The following FADS2 variants were observed in gnomAD, a reference collection of about 807,000 sequenced individuals.
The protein encoded by FADS2 is acyl-CoA 6-desaturase.
FADS2 carries 18 observed loss-of-function variants against 61.2 expected under a neutral mutation model. That is an observed-to-expected ratio of 0.29 (90% CI 0.20 to 0.44). FADS2 has a LOEUF of 0.44. FADS2 is among the 20% of genes least tolerant of loss of function. FADS2 has a pLI of 1.00. For synonymous variants in FADS2, 203 were observed against 223.9 expected, an observed-to-expected ratio of 0.91 and a Z score of 0.83; for missense variants, 322 against 572.7, an observed-to-expected ratio of 0.56 and a Z score of 4.47.
At position 61,865,037 on chromosome 11, in the gene FADS2, G is replaced by T; in HGVS notation, c.1158-115G>T. 1.6e-6 allele frequency: 2 copies of T among 1,266,932 alleles called. No homozygotes were observed. Among genetic ancestry groups the T allele is most frequent in the Non-Finnish European group, 2.2e-6 (2 of 908,858 alleles). The allele number at this position is 1,266,932 out of a possible 1,614,324, so 78.5% of individuals were successfully genotyped here. The stretch of plus-strand genomic sequence containing the variant: ...GAGCCACACTTTGAGACTGGTCCTG[G>T]CTGTGGACAGGGTCTCTGAGGGCCC... On this transcript the variant is annotated intron_variant, in intron 10 of 11. Coordinates refer to ENST00000278840, the MANE Select transcript of FADS2 (RefSeq NM_004265.4). The surrounding 1 kb of genome is among the most constrained non-coding windows in gnomAD (Gnocchi z 4.1).
At chr11:61,849,027 C>T (rs762979193) in intron 5 of FADS2, among the ~76,000 whole-genome samples, 9 of 152,124 alleles carry the variant, frequency 5.9e-5, no homozygotes, top group Non-Finnish European at 8.8e-5. Context: ...CCGCCTCCCA[C>T]GTAGCTGGGA....
rs946976607 is a variant in FADS2, at chr11:61,866,296, C to A, written c.*607C>A. On this transcript the variant is annotated 3_prime_UTR_variant, in exon 12 of 12. Transcript: ENST00000278840. ...CTCTTAAGATGTCCAGGGCCCCAGG[C>A]CCGCGGGCACAGCCAGCCCAAACCT... The A allele has an allele frequency of 6.8e-5, 20 of 293,778 alleles. No homozygotes were observed. Among genetic ancestry groups the A allele is most frequent in the Admixed American group, 2.1e-4 (4 of 19,296 alleles). 18.2% of individuals were successfully genotyped at this position (293,778 alleles called of 1,614,324 possible).
At chr11:61,826,509 T>C (rs2067087710), upstream of FADS2, 1 of 608,570 alleles carries the variant, frequency 1.6e-6, no homozygotes, top group African/African-American at 1.8e-5. Context: ...ATATGGTATG[T>C]TAATCCATTT....
chr11:61,828,197 A>T (rs950726376), upstream of FADS2: 18 of 1,417,418 alleles, frequency 1.3e-5, no homozygotes, highest in Non-Finnish European at 1.7e-5. This position sits in a 1 kb window ranked among gnomAD's most constrained non-coding sequence, Gnocchi z 6.4. Flanking sequence ...ATCCTCCGCC[A>T]GGAAGGCAGG....
chr11:61,840,506 C>T lies in FADS2; in HGVS notation c.491C>T (p.Thr164Met), dbSNP rs769806290. 4.3e-6 allele frequency: 7 copies of T among 1,614,208 alleles called. No homozygotes were observed. Among genetic ancestry groups the T allele is most frequent in the South Asian group, 1.1e-5 (1 of 91,080 alleles). Residue 164 changes from threonine (T) to methionine (M), a missense_variant, in exon 3 of 12, where the codon ACG (threonine) becomes ATG (methionine). Thr to Met is a moderately conservative substitution (Grantham distance 81, BLOSUM62 -1). Transcript: ENST00000278840. ...FGNGWIPTLI[T>M]AFVLATSQAQ... ...AATGGCTGGATTCCTACCCTCATCA[C>T]GGCCTTTGTCCTTGCTACCTCTCAG...
At chr11:61,852,894 T>C (rs1432942762) in intron 5 of FADS2, among the ~76,000 whole-genome samples, 2 of 151,980 alleles carry the variant, frequency 1.3e-5, no homozygotes, top group Non-Finnish European at 2.9e-5. Context: ...GTGGCTCACA[T>C]CTGTAATCCC....
In FADS2 at chr11:61,840,428, C is replaced by G. The variant is rs1158475653; in HGVS notation, c.413C>G (p.Ala138Gly). ...TNHVFFLLLLAHIIALESIAW... is the reference protein window; with the variant it reads ...TNHVFFLLLLGHIIALESIAW... Reference sequence around the variant, plus strand: ...CACGTGTTCTTCCTCCTCCTCCTGGCCCACATCATCGCCCTGGAGAGCATT... The same window carrying G: ...CACGTGTTCTTCCTCCTCCTCCTGGGCCACATCATCGCCCTGGAGAGCATT... Residue 138 changes from alanine (A) to glycine (G), a missense_variant, in exon 3 of 12, where the codon GCC (alanine) becomes GGC (glycine). Ala to Gly is a moderately conservative substitution (Grantham distance 60). Around this residue, in one of 3 missense-constraint regions of FADS2, gnomAD observed 221 missense variants for 427.9 expected, o/e 0.52. Coordinates refer to ENST00000278840, the MANE Select transcript of FADS2 (RefSeq NM_004265.4). 1.2e-6 allele frequency: 2 copies of G among 1,614,108 alleles called. No homozygotes were observed. Among genetic ancestry groups the G allele is most frequent in the Non-Finnish European group, 1.7e-6 (2 of 1,179,940 alleles).
intron 4 of FADS2, among the ~76,000 whole-genome samples, chr11:61,844,215 CA>C (rs2135964275): frequency 6.6e-6 from 1 of 151,956 alleles, no homozygotes; most frequent in South Asian, 2.1e-4. Flanking sequence ...TTATTTATAC[CA>C]AAACAGAACT....
At chr11:61,862,914 A>T in intron 7 of FADS2, 58 bp from the exon 8 acceptor site, 1 of 1,399,256 alleles carries the variant, frequency 7.1e-7, no homozygotes, top group Non-Finnish European at 1.0e-6. Context: ...TGGGGCACGC[A>T]CTTGGTGCCA....
At chr11:61,818,442 T>C (rs2135945480) in intron 1 of FADS2, among the ~76,000 whole-genome samples, 1 of 152,256 alleles carries the variant, frequency 6.6e-6, no homozygotes, top group East Asian at 1.9e-4. Context: ...TACAAAACAT[T>C]TTCTATTCTT....
At chr11:61,849,345 A>G (rs963308106) in intron 5 of FADS2, among the ~76,000 whole-genome samples, 1 of 152,204 alleles carries the variant, frequency 6.6e-6, no homozygotes, top group Non-Finnish European at 1.5e-5. Flanking sequence ...ATAAACTTCT[A>G]AACAGTACAG....
chr11:61,840,457 T>A lies in FADS2; in HGVS notation c.442T>A (p.Trp148Arg). 6.2e-7 allele frequency: 1 copy of A among 1,614,216 alleles called. No homozygotes were observed. Among genetic ancestry groups the A allele is most frequent in the Non-Finnish European group, 8.5e-7 (1 of 1,180,034 alleles). The stretch of plus-strand genomic sequence containing the variant: ...CATCATCGCCCTGGAGAGCATTGCA[T>A]GGTTCACTGTCTTTTACTTTGGCAA... ...AHIIALESIAWFTVFYFGNGW... is the reference protein window; with the variant it reads ...AHIIALESIARFTVFYFGNGW... The change falls in exon 3 of 12, where the codon TGG becomes AGG. Residue 148 changes from tryptophan (W) to arginine (R), a missense_variant. Trp to Arg is a moderately radical substitution (Grantham distance 101). Transcript: ENST00000278840.
rs58136105 is a variant in FADS2, at chr11:61,861,353, CAAAAAA to C, written c.883-1606_883-1601del. Among the ~76,000 whole-genome samples the C allele has an allele frequency of 5.4e-4, 16 of 29,728 alleles. 1 individual carries two copies. The highest frequency in any genetic ancestry group is 9.5e-4 in the Non-Finnish European group (13 of 13,620). 19.5% of individuals were successfully genotyped at this position (29,728 alleles called of 152,430 possible). The stretch of plus-strand genomic sequence containing the variant: ...TGGGCGACAGAGCGAGACTCCCTCT[CAAAAAA>C]AAAAAAAAAAAACAGAAATTAGCTA... On this transcript the variant is annotated intron_variant, in intron 7 of 11. Coordinates refer to ENST00000278840, the MANE Select transcript of FADS2 (RefSeq NM_004265.4).
At chr11:61,854,356 C>T (rs906098166) in intron 5 of FADS2, 2 of 152,246 alleles carry the variant, frequency 1.3e-5, no homozygotes, top group East Asian at 1.9e-4. Flanking sequence ...TTGCTTAACC[C>T]GTGAGGCGGG....
intron 5 of FADS2, among the ~76,000 whole-genome samples, chr11:61,853,243 TTCTC>T (rs879680117): frequency 0.016 from 1,135 of 72,514 alleles, 39 homozygotes; most frequent in African/African-American, 0.067. Context: ...CTTTCTTTCT[TTCTC>T]TCTCTCTTTC....
rs369186637 is a variant in FADS2 at position 61,866,288 on chromosome 11, G to A, written c.*599G>A. ...CGAGGCCTCTCTTAAGATGTCCAGG[G>A]CCCCAGGCCCGCGGGCACAGCCAGC... On this transcript the variant is annotated 3_prime_UTR_variant, in exon 12 of 12. Coordinates refer to ENST00000278840, the MANE Select transcript of FADS2 (RefSeq NM_004265.4). 6 of 308,394 alleles carry A rather than the reference G, an allele frequency of 1.9e-5. No individual in the cohort carries two copies. In the East Asian group the frequency reaches 3.1e-4, roughly 16 times the overall value. 19.1% of individuals were successfully genotyped at this position (308,394 alleles called of 1,614,324 possible).
intron 4 of FADS2, among the ~76,000 whole-genome samples, chr11:61,845,649 C>T (rs967962130): frequency 2.0e-5 from 3 of 151,930 alleles, no homozygotes; most frequent in African/African-American, 4.8e-5. Flanking sequence ...AAAAATTAGC[C>T]GGGCATGGTG....
Position 61,865,860 on chromosome 11 carries a change from C to G in FADS2, c.*171C>G. On this transcript the variant is annotated 3_prime_UTR_variant, in exon 12 of 12. Transcript: ENST00000278840. The surrounding 1 kb of genome is among the most constrained non-coding windows in gnomAD (Gnocchi z 4.1). ...TCTCCTTTTTCTCTTCACATCTCCCCCATAGCACCCTGCCCTCATGGGACC... is the reference window on the plus strand; with the variant it reads ...TCTCCTTTTTCTCTTCACATCTCCCGCATAGCACCCTGCCCTCATGGGACC... 3 of 621,714 alleles carry G rather than the reference C, an allele frequency of 4.8e-6. No individual in the cohort carries two copies. In the South Asian group the frequency reaches 5.9e-5, roughly 12 times the overall value. 38.5% of individuals were successfully genotyped at this position (621,714 alleles called of 1,614,324 possible).
intron 2 of FADS2, 106 bp downstream of exon 2, chr11:61,837,994 A>T: frequency 1.3e-6 from 1 of 797,408 alleles, no homozygotes; most frequent in Non-Finnish European, 2.1e-6. Flanking sequence ...GGGCTGAGGC[A>T]GGGGTGCTTT....
Sources: gnomAD v4.1 joint callset for allele counts (sites outside exome capture counted in the v4.1 genomes callset) on GRCh38, gnomAD v4.1.1 for gene constraint, gnomAD v4.1.1 regional missense constraint, Gnocchi (gnomAD v3.1) non-coding constraint, MANE v1.5 for transcripts, NCBI Gene and HGNC (gene_info 2026-07-23, HGNC 2026-07-21) for gene names.